Variants in SCTR observed in about 807,000 individuals in gnomAD.
SCTR encodes secretin receptor.
Under a neutral mutation model 60.8 loss-of-function variants are expected in SCTR, and 56 were observed. The observed-to-expected ratio is 0.92, with a 90% confidence interval of 0.74 to 1.15. SCTR has a LOEUF of 1.15. SCTR is among the 50% of genes most tolerant of loss of function. SCTR has a pLI of 0.00. For synonymous variants in SCTR, 202 were observed against 217.0 expected (o/e 0.93, Z 0.61); for missense variants, 562 against 550.4 (o/e 1.02, Z -0.21).
chr2:119,452,186 T>G (rs139561610), intron 8 of SCTR, 107 bp from the exon 9 acceptor site: 5 of 698,276 alleles, frequency 7.2e-6, no homozygotes, highest in Non-Finnish European at 1.3e-5. Context: ...GGACCTGTGT[T>G]TGTGGCACTG....
chr2:119,483,306 G>A (rs148566494), intron 2 of SCTR, among the ~76,000 whole-genome samples: 16 of 152,352 alleles, frequency 1.1e-4, no homozygotes, highest in Non-Finnish European at 2.1e-4. Flanking sequence ...GCGGAGATGA[G>A]GAAGCTGAGG....
chr2:119,458,720 A>G (rs1383488858), intron 7 of SCTR, among the ~76,000 whole-genome samples: 1 of 152,114 alleles, frequency 6.6e-6, no homozygotes, highest in African/African-American at 2.4e-5. Flanking sequence ...AAGTTTGCAA[A>G]ATTTGTAATG....
intron 2 of SCTR, chr2:119,480,657 C>G (rs1558863080): frequency 1.3e-5 from 2 of 152,160 alleles, no homozygotes; most frequent in Non-Finnish European, 2.9e-5. Context: ...ACTGTACTGT[C>G]TTTTAAGACA....
chr2:119,506,259 G>A (rs972965878), intron 1 of SCTR, among the ~76,000 whole-genome samples: 1 of 152,048 alleles, frequency 6.6e-6, no homozygotes, highest in Non-Finnish European at 1.5e-5. Flanking sequence ...CAATCCAGAT[G>A]TTTTCCAATG....
chr2:119,452,113 A>G (rs2587692), intron 8 of SCTR, 34 bp from the exon 9 acceptor site: 1,227,079 of 1,406,270 alleles, frequency 0.87, 536,201 homozygotes, highest in African/African-American at 0.96. Context: ...GGTTATGAGC[A>G]GGAGCTGTGG....
intron 8 of SCTR, among the ~76,000 whole-genome samples, chr2:119,453,056 G>A (rs1040627083): frequency 6.6e-6 from 1 of 152,148 alleles, no homozygotes; most frequent in African/African-American, 2.4e-5. Context: ...CATGCAGAGC[G>A]GACAGGCAGC....
At chr2:119,500,716 G>A (rs889724889) in intron 1 of SCTR, among the ~76,000 whole-genome samples, 4 of 152,170 alleles carry the variant, frequency 2.6e-5, no homozygotes, top group African/African-American at 9.7e-5. Flanking sequence ...GGTTACCAGA[G>A]GCTGGGAAGG....
chr2:119,462,625 T>C (rs907108439), intron 6 of SCTR, among the ~76,000 whole-genome samples: 1 of 152,202 alleles, frequency 6.6e-6, no homozygotes, highest in Admixed American at 6.5e-5. Context: ...GCCTGTAGAA[T>C]TGTGGGGCAC....
intron 12 of SCTR, 27 bp downstream of exon 12, chr2:119,441,531 G>A (rs1301125257): frequency 6.9e-6 from 11 of 1,596,114 alleles, no homozygotes; most frequent in Non-Finnish European, 9.4e-6. Context: ...GCTCTCCTGG[G>A]TACCTGGGTG....
At chr2:119,455,246 C>A (rs1029769731) in intron 7 of SCTR, among the ~76,000 whole-genome samples, 1 of 152,172 alleles carries the variant, frequency 6.6e-6, no homozygotes, top group Non-Finnish European at 1.5e-5. Flanking sequence ...ACTGAACAGC[C>A]CCAGACAAAG....
Position 119,446,903 on chromosome 2 carries a change from C to A in SCTR, c.1014-18G>T, listed in dbSNP as rs748268827. 2 of 1,468,946 alleles carry A rather than the reference C, an allele frequency of 1.4e-6. No individual in the cohort carries two copies. The highest frequency in any genetic ancestry group is 2.3e-5 in the Admixed American group (1 of 44,100). The allele number at this position is 1,468,946 out of a possible 1,614,324, so 91.0% of individuals were successfully genotyped here. On this transcript the variant is annotated intron_variant, in intron 10 of 12. Coordinates refer to ENST00000019103, the MANE Select transcript of SCTR (RefSeq NM_002980.3). Reference sequence around the variant, plus strand: ...CCAGGCGCCTGGGGACACAGAAAGCCTGTAGCCTCCACTCTGCCTCCCTGC... The same window carrying A: ...CCAGGCGCCTGGGGACACAGAAAGCATGTAGCCTCCACTCTGCCTCCCTGC...
Position 119,494,515 on chromosome 2 carries a change from G to C in SCTR, c.106C>G (p.Gln36Glu). Residue 36 changes from glutamine to glutamate, a missense_variant, in exon 2 of 13, where the codon CAA becomes GAA. Gln to Glu is a conservative substitution (Grantham distance 29). Transcript: ENST00000019103. ...GALPRLCDVL[Q>E]VLWEEQDQCL... is the part of the protein sequence containing the mutation. Reference sequence around the variant, plus strand: ...TGGTCTTGCTCTTCCCACAGCACTTGTAGCACGTCACATAGTCGGGGAAGG... The same window carrying C: ...TGGTCTTGCTCTTCCCACAGCACTTCTAGCACGTCACATAGTCGGGGAAGG... 1 of 1,614,096 alleles carries C rather than the reference G, an allele frequency of 6.2e-7. No individual in the cohort carries two copies. Among genetic ancestry groups the C allele is most frequent in the Non-Finnish European group, 8.5e-7 (1 of 1,179,976 alleles).
At chr2:119,446,709 A>G in intron 11 of SCTR, 50 bp downstream of exon 11, 1 of 1,408,536 alleles carries the variant, frequency 7.1e-7, no homozygotes, top group Non-Finnish European at 9.4e-7. Context: ...CTCCCTAAGG[A>G]CACAGAGAAC....
At chr2:119,475,176 G>A (rs2104836510) in intron 3 of SCTR, among the ~76,000 whole-genome samples, 1 of 152,302 alleles carries the variant, frequency 6.6e-6, no homozygotes, top group Middle Eastern at 3.4e-3. Context: ...CGAGGGGTGG[G>A]GAGGTTTCTG....
chr2:119,445,161 A>G (rs996223634), intron 11 of SCTR, among the ~76,000 whole-genome samples: 9 of 152,076 alleles, frequency 5.9e-5, no homozygotes, highest in Non-Finnish European at 1.2e-4. Flanking sequence ...GGAAGTCCCC[A>G]TCCATGGCCA....
intron 2 of SCTR, chr2:119,487,440 G>A (rs971371576): frequency 3.3e-5 from 5 of 152,230 alleles, no homozygotes; most frequent in Admixed American, 2.0e-4. Flanking sequence ...TTGAAGGCAA[G>A]GTCACTAAGG....
At position 119,442,246 on chromosome 2, in the gene SCTR, C is replaced by G. The variant is rs553974610; in HGVS notation, c.1141-647G>C. 3.2e-3 allele frequency among the ~76,000 whole-genome samples: 494 copies of G among 152,308 alleles called. 3 individuals carry two copies. Among genetic ancestry groups the G allele is most frequent in the African/African-American group, 0.011 (477 of 41,566 alleles). On this transcript the variant is annotated intron_variant, in intron 11 of 12. Transcript: ENST00000019103. The stretch of plus-strand genomic sequence containing the variant: ...TGGAGCTCCTGATTTCCTGATGGTG[C>G]CCCCAGGATCCTGGTGTGGAGCTCT...
At chr2:119,460,471 GA>G (rs1190750953) in intron 7 of SCTR, among the ~76,000 whole-genome samples, 1 of 151,144 alleles carries the variant, frequency 6.6e-6, no homozygotes, top group East Asian at 1.9e-4. Flanking sequence ...TGGATGGATG[GA>G]TGGGTGTTAA....
intron 7 of SCTR, among the ~76,000 whole-genome samples, chr2:119,457,962 C>T (rs1403984416): frequency 6.6e-6 from 1 of 152,106 alleles, no homozygotes; most frequent in East Asian, 1.9e-4. Context: ...ATTATTTAAA[C>T]CAAGTACATG....
Sources: gnomAD v4.1 joint callset for allele counts (sites outside exome capture counted in the v4.1 genomes callset) on GRCh38, gnomAD v4.1.1 for gene constraint, MANE v1.5 for transcripts, NCBI Gene and HGNC (gene_info 2026-07-23, HGNC 2026-07-21) for gene names.